Variants in ZFHX3 observed in about 807,000 individuals in gnomAD.
The protein encoded by ZFHX3 is zinc finger homeobox 3.
A neutral mutation model predicts 279.1 loss-of-function variants in ZFHX3; 42 were observed. The observed-to-expected ratio is 0.15, with a 90% confidence interval of 0.12 to 0.19. The LOEUF is 0.19. Ranked by LOEUF, ZFHX3 falls within the 10% of genes least tolerant of loss-of-function variation. The probability of loss-of-function intolerance (pLI) is 1.00; values close to 1 mark genes in which losing one functional copy is unlikely to be tolerated. For synonymous variants in ZFHX3, 2,293 were observed against 1,957.8 expected (o/e 1.17, Z -4.52); for missense variants, 4,981 against 4,754.0 (o/e 1.05, Z -1.40).
chr16:72,883,159 G>A (rs2038537261), intron 4 of ZFHX3, among the ~76,000 whole-genome samples: 1 of 151,948 alleles, frequency 6.6e-6, no homozygotes, highest in Non-Finnish European at 1.5e-5. Context: ...ACAGGCAATT[G>A]GCACTGACCT....
chr16:73,465,218 C>T (rs1056122497), intron 2 of ZFHX3, among the ~76,000 whole-genome samples: 3 of 152,216 alleles, frequency 2.0e-5, no homozygotes, highest in South Asian at 2.1e-4. Context: ...GCCCGTGCTG[C>T]GCCAAAGCAG....
At chr16:73,048,964 G>A (rs1965399258), upstream of ZFHX3, among the ~76,000 whole-genome samples, 1 of 152,190 alleles carries the variant, frequency 6.6e-6, no homozygotes, top group Admixed American at 6.5e-5. Context: ...CCACATCACC[G>A]CAGAGATAGC....
chr16:73,464,076 A>T (rs995989379), intron 2 of ZFHX3, among the ~76,000 whole-genome samples: 35 of 151,942 alleles, frequency 2.3e-4, no homozygotes, highest in African/African-American at 6.0e-4. Context: ...GTATTTCTGT[A>T]TTTTTTTTCT....
chr16:73,586,764 A>G (rs1376193596), intron 2 of ZFHX3, among the ~76,000 whole-genome samples: 1 of 152,126 alleles, frequency 6.6e-6, no homozygotes, highest in East Asian at 1.9e-4. Flanking sequence ...AAAACACAAA[A>G]CTAAAATTGA....
At chr16:73,375,009 C>T (rs192414798) in intron 3 of ZFHX3, among the ~76,000 whole-genome samples, 10 of 152,244 alleles carry the variant, frequency 6.6e-5, no homozygotes, top group Admixed American at 3.9e-4. Flanking sequence ...TGCTTACATC[C>T]GTTAATTCTT....
At chr16:73,105,245 TTA>T (rs376545382) in intron 7 of ZFHX3, among the ~76,000 whole-genome samples, 20 of 145,368 alleles carry the variant, frequency 1.4e-4, no homozygotes, top group Admixed American at 2.1e-4. Flanking sequence ...GTCTCTAATT[TTA>T]TATATATATA....
intron 5 of ZFHX3, among the ~76,000 whole-genome samples, chr16:73,170,811 T>C (rs1161972715): frequency 6.6e-6 from 1 of 152,064 alleles, no homozygotes; most frequent in Non-Finnish European, 1.5e-5. Flanking sequence ...AAGGGTGTTG[T>C]CATGGAAACC....
chr16:73,097,651 A>G (rs1966181604), intron 7 of ZFHX3, among the ~76,000 whole-genome samples: 1 of 152,180 alleles, frequency 6.6e-6, no homozygotes, highest in African/African-American at 2.4e-5. Flanking sequence ...GACTATGGCC[A>G]CGATCTCTTT....
chr16:73,408,838 C>A (rs2017413421), intron 3 of ZFHX3, among the ~76,000 whole-genome samples: 1 of 151,960 alleles, frequency 6.6e-6, no homozygotes, highest in South Asian at 2.1e-4. Flanking sequence ...GGGAGAGGAC[C>A]ACAAGCGGCA....
intron 7 of ZFHX3, among the ~76,000 whole-genome samples, chr16:73,122,689 C>A (rs1303711567): frequency 2.6e-5 from 4 of 152,116 alleles, no homozygotes; most frequent in Non-Finnish European, 5.9e-5. Context: ...ACCAGATGGG[C>A]ACAGAGCAGG....
intron 2 of ZFHX3, among the ~76,000 whole-genome samples, chr16:73,637,492 C>G (rs1483477978): frequency 6.6e-6 from 1 of 151,716 alleles, no homozygotes; most frequent in African/African-American, 2.4e-5. Flanking sequence ...CTCAGCCTCC[C>G]AAAGTGCTTG....
At chr16:73,845,198 G>A (rs1204148611) in intron 1 of ZFHX3, among the ~76,000 whole-genome samples, 2 of 152,136 alleles carry the variant, frequency 1.3e-5, no homozygotes, top group African/African-American at 2.4e-5. Context: ...GTGCGTTCGT[G>A]GAGGACCTGG....
intron 3 of ZFHX3, among the ~76,000 whole-genome samples, chr16:73,391,958 T>C (rs950754952): frequency 6.6e-6 from 1 of 152,072 alleles, no homozygotes; most frequent in African/African-American, 2.4e-5. Flanking sequence ...CAGAATATAC[T>C]ACATGGCTCA....
intron 4 of ZFHX3, among the ~76,000 whole-genome samples, chr16:72,834,743 C>T (rs2037143361): frequency 6.6e-6 from 1 of 152,040 alleles, no homozygotes; most frequent in Non-Finnish European, 1.5e-5. Flanking sequence ...AGCATTCAAC[C>T]CCGCAACCTC....
intron 1 of ZFHX3, among the ~76,000 whole-genome samples, chr16:73,791,750 G>A (rs541323315): frequency 5.9e-5 from 9 of 152,296 alleles, no homozygotes; most frequent in East Asian, 3.9e-4. Flanking sequence ...ACAAATTCCC[G>A]GATAACGCTA....
intron 5 of ZFHX3, among the ~76,000 whole-genome samples, chr16:73,185,066 T>C (rs1175703401): frequency 6.6e-6 from 1 of 151,864 alleles, no homozygotes; most frequent in African/African-American, 2.4e-5. Flanking sequence ...CAGCCTTGAC[T>C]TCCTATGCTC....
chr16:73,408,204 G>A (rs551311131), intron 3 of ZFHX3, among the ~76,000 whole-genome samples: 33 of 151,820 alleles, frequency 2.2e-4, no homozygotes, highest in African/African-American at 8.0e-4. Context: ...TGCATTAAAT[G>A]ATATCAGAGT....
chr16:72,926,843 A>C (rs1045660387), intron 3 of ZFHX3, among the ~76,000 whole-genome samples: 57 of 152,222 alleles, frequency 3.7e-4, no homozygotes, highest in Non-Finnish European at 8.4e-4. Flanking sequence ...CTCTGGGCAC[A>C]GCCCATCAGA....
At chr16:73,523,725 T>G (rs1442290406) in intron 2 of ZFHX3, among the ~76,000 whole-genome samples, 1 of 151,948 alleles carries the variant, frequency 6.6e-6, no homozygotes, top group African/African-American at 2.4e-5. Flanking sequence ...TTCCTGAATT[T>G]CCCCTCCTTT....
Sources: allele counts gnomAD v4.1 joint callset (sites outside exome capture counted in the v4.1 genomes callset), GRCh38; gene constraint gnomAD v4.1.1; transcripts MANE v1.5; gene names NCBI Gene and HGNC (gene_info 2026-07-23, HGNC 2026-07-21).